The following TRPM8 variants were observed in gnomAD, a reference collection of about 807,000 sequenced individuals.
The protein encoded by TRPM8 is transient receptor potential cation channel subfamily M member 8.
In TRPM8, 110 loss-of-function variants were observed where a neutral mutation model predicts 133.7. The ratio of observed to expected loss-of-function variants is 0.82; its 90% confidence interval spans 0.70 to 0.96. TRPM8 has a LOEUF of 0.96. Ranked by LOEUF, TRPM8 falls within the 40% of genes least tolerant of loss-of-function variation. The pLI, the probability that TRPM8 is intolerant of heterozygous loss-of-function variation, is 0.00. For missense variants in TRPM8, 1,291 were observed against 1,379.5 expected, an observed-to-expected ratio of 0.94 and a Z score of 1.02; for synonymous variants, 535 against 532.3, an observed-to-expected ratio of 1.01 and a Z score of -0.07.
chr2:233,966,444 A>C (rs1691577466), intron 14 of TRPM8, among the ~76,000 whole-genome samples, 166 bp from the exon 15 acceptor site: 2 of 152,326 alleles, frequency 1.3e-5, no homozygotes, highest in South Asian at 4.1e-4. Context: ...AAATTCTGCT[A>C]TTCAGTAACA....
intron 22 of TRPM8, among the ~76,000 whole-genome samples, chr2:234,004,147 A>G (rs1692635440): frequency 6.6e-6 from 1 of 152,200 alleles, no homozygotes; most frequent in African/African-American, 2.4e-5. Flanking sequence ...GGCCCCTGGG[A>G]GAGTGGCGAT....
At chr2:233,939,766 G>C (rs1690859405) in intron 5 of TRPM8, among the ~76,000 whole-genome samples, 1 of 152,190 alleles carries the variant, frequency 6.6e-6, no homozygotes, top group Non-Finnish European at 1.5e-5. Flanking sequence ...CCCCACGTTT[G>C]TCTCAACTTG....
chr2:233,942,779 G>A (rs373869020), intron 6 of TRPM8, 31 bp downstream of exon 6: 2 of 1,612,864 alleles, frequency 1.2e-6, no homozygotes, highest in Non-Finnish European at 1.7e-6. Flanking sequence ...GGTCTGCTAG[G>A]TCACATGGAA....
chr2:233,925,382 T>C (rs895277610), intron 1 of TRPM8, among the ~76,000 whole-genome samples: 1 of 152,140 alleles, frequency 6.6e-6, no homozygotes. Flanking sequence ...TTGAAGGGGC[T>C]ACACAGGCAG....
At chr2:233,973,066 A>G (rs1003150356) in intron 17 of TRPM8, among the ~76,000 whole-genome samples, 3 of 152,206 alleles carry the variant, frequency 2.0e-5, no homozygotes, top group Non-Finnish European at 4.4e-5. Context: ...GTCAGTGTTG[A>G]ACAGCAGGAT....
intron 22 of TRPM8, among the ~76,000 whole-genome samples, chr2:233,997,209 G>A (rs1023560632): frequency 6.6e-6 from 1 of 151,504 alleles, no homozygotes; most frequent in Non-Finnish European, 1.5e-5. Context: ...AGGAGGTGGA[G>A]GATGCAGTGA....
intron 1 of TRPM8, among the ~76,000 whole-genome samples, chr2:233,923,674 C>T (rs1473904406): frequency 1.3e-5 from 2 of 152,140 alleles, no homozygotes; most frequent in Admixed American, 6.5e-5. Context: ...GAAGTAAGGA[C>T]GACTGTCAAT....
At position 233,966,687 on chromosome 2, in the gene TRPM8, G is replaced by T; in HGVS notation, c.1957G>T (p.Gly653Ter). Residue 653 changes from glycine (G) to a stop codon, truncating the protein, a stop_gained, in exon 15 of 26, where the codon GGA (glycine) becomes TGA (stop). Transcript: ENST00000324695. LOFTEE classifies it high-confidence loss of function. ...LLVYSCEAWG[G>*]SNCLELAVEA... ...GGTCTATTCCTGTGAAGCTTGGGGTGGAAGCAACTGTCTGGAGCTGGCGGT... is the reference window on the plus strand; with the variant it reads ...GGTCTATTCCTGTGAAGCTTGGGGTTGAAGCAACTGTCTGGAGCTGGCGGT... 1 of 1,613,722 alleles carries T rather than the reference G, an allele frequency of 6.2e-7. No homozygotes were observed. The highest frequency in any genetic ancestry group is 8.5e-7 in the Non-Finnish European group (1 of 1,179,816).
intron 12 of TRPM8, among the ~76,000 whole-genome samples, chr2:233,961,441 G>A (rs1430085337): frequency 6.6e-6 from 1 of 151,988 alleles, no homozygotes. Flanking sequence ...GAGTAGCTGG[G>A]ACTACAGGCA....
intron 1 of TRPM8, among the ~76,000 whole-genome samples, chr2:233,920,372 G>C (rs1020055623): frequency 6.6e-6 from 1 of 152,222 alleles, no homozygotes; most frequent in Non-Finnish European, 1.5e-5. Flanking sequence ...TGAGAGTAAA[G>C]ACCATGAATA....
At chr2:233,996,559 T>C in intron 22 of TRPM8, 43 bp downstream of exon 22, 1 of 1,578,866 alleles carries the variant, frequency 6.3e-7, no homozygotes. Flanking sequence ...GAAGCAGCGA[T>C]TAATTTCAGG....
chr2:233,932,708 A>G (rs796831230), intron 3 of TRPM8, among the ~76,000 whole-genome samples: 2 of 151,950 alleles, frequency 1.3e-5, no homozygotes, highest in African/African-American at 4.8e-5. Context: ...GCACAGGAAC[A>G]CCTCAGGGTC....
intron 9 of TRPM8, among the ~76,000 whole-genome samples, chr2:233,952,814 C>T (rs1691200910): frequency 6.6e-6 from 1 of 151,910 alleles, no homozygotes; most frequent in Admixed American, 6.6e-5. Context: ...ACTTGCTATC[C>T]ATATTCATTT....
rs1433767394 is a variant in TRPM8, at chr2:233,937,474, G to T, written c.313G>T (p.Asp105Tyr). Residue 105 changes from aspartate (D) to tyrosine (Y), a missense_variant, in exon 4 of 26, where the codon GAT (aspartate) becomes TAT (tyrosine). This residue lies in a region of TRPM8 where 963 missense variants were observed against 968.9 expected (regional missense o/e 0.99). Transcript: ENST00000324695. ...TKEFPTDAFG[D>Y]IQFETLGKKG... ...GGAATTTCCTACCGACGCCTTTGGGGATATTCAGTTTGAGACACTGGGGAA... is the reference window on the plus strand; with the variant it reads ...GGAATTTCCTACCGACGCCTTTGGGTATATTCAGTTTGAGACACTGGGGAA... 2 of 1,614,068 alleles carry T rather than the reference G, an allele frequency of 1.2e-6. No homozygotes were observed. Among genetic ancestry groups the T allele is most frequent in the South Asian group, 1.1e-5 (1 of 91,032 alleles).
chr2:234,016,418 A>G (rs951663663), intron 25 of TRPM8, among the ~76,000 whole-genome samples: 11 of 152,190 alleles, frequency 7.2e-5, no homozygotes, highest in Admixed American at 6.5e-5. Flanking sequence ...TGAAAATATA[A>G]CTTTATAGGC....
At chr2:233,922,713 C>A (rs1691434369) in intron 1 of TRPM8, among the ~76,000 whole-genome samples, 2 of 152,132 alleles carry the variant, frequency 1.3e-5, no homozygotes, top group South Asian at 4.1e-4. Context: ...ACTCAGGATA[C>A]AATTCCTAGA....
At chr2:234,010,159 G>A (rs28953470) in intron 24 of TRPM8, among the ~76,000 whole-genome samples, 31,151 of 151,706 alleles carry the variant, frequency 0.21, 3,411 homozygotes, top group Middle Eastern at 0.3. Flanking sequence ...TAGCCCCAGC[G>A]ACCACCGTGC....
intron 10 of TRPM8, among the ~76,000 whole-genome samples, chr2:233,954,484 T>C (rs1188244939): frequency 1.3e-5 from 2 of 152,246 alleles, no homozygotes; most frequent in South Asian, 2.1e-4. Flanking sequence ...AAAATTCTCA[T>C]TCATGATCTT....
chr2:233,949,614 T>C (rs1342918924), intron 8 of TRPM8, among the ~76,000 whole-genome samples: 1 of 152,232 alleles, frequency 6.6e-6, no homozygotes, highest in East Asian at 1.9e-4. Context: ...TCTTAATACA[T>C]GTCACTCAAA....
Sources: allele counts gnomAD v4.1 joint callset (sites outside exome capture counted in the v4.1 genomes callset), GRCh38; gene constraint gnomAD v4.1.1; regional missense constraint gnomAD v4.1.1; transcripts MANE v1.5; gene names NCBI Gene and HGNC (gene_info 2026-07-23, HGNC 2026-07-21).